The following TSPEAR variants were observed in gnomAD, a reference collection of about 807,000 sequenced individuals.
TSPEAR encodes thrombospondin type laminin G domain and EAR repeats.
TSPEAR carries 69 observed loss-of-function variants against 71.6 expected under a neutral mutation model. The ratio of observed to expected loss-of-function variants is 0.96; its 90% CI spans 0.79 to 1.18. TSPEAR has a LOEUF of 1.18. Ranked by LOEUF, TSPEAR falls within the 50% of genes most tolerant of loss-of-function variation. The probability of loss-of-function intolerance (pLI) is 0.00; values close to 1 mark genes in which losing one functional copy is unlikely to be tolerated. For synonymous variants in TSPEAR, 402 were observed against 387.2 expected, an observed-to-expected ratio of 1.04 and a Z score of -0.45; for missense variants, 971 against 894.9, an observed-to-expected ratio of 1.09 and a Z score of -1.09.
chr21:44,518,211 A>G lies in TSPEAR; in HGVS notation c.1566+3672T>C, dbSNP rs587753150. On this transcript the variant is annotated intron_variant, in intron 9 of 11. Coordinates refer to ENST00000323084, the MANE Select transcript of TSPEAR (RefSeq NM_144991.3). The stretch of plus-strand genomic sequence containing the variant: ...TAAAAAAATTCCTTTCTGTTTCTAG[A>G]GCTAGCTCAGTTTCTTTCAGCCTTT... The G allele has an allele frequency of 3.1e-4, 131 of 424,780 alleles. No individual in the cohort carries two copies. The East Asian group carries it at 7.2e-3, about 23-fold the overall frequency. 26.3% of individuals were successfully genotyped at this position (424,780 alleles called of 1,614,324 possible).
chr21:44,565,552 T>G (rs1248108820), intron 2 of TSPEAR, among the ~76,000 whole-genome samples: 1 of 152,206 alleles, frequency 6.6e-6, no homozygotes, highest in African/African-American at 2.4e-5. Flanking sequence ...GGATACAAGA[T>G]TGGTTTAATA....
At chr21:44,569,950 C>T (rs1001027721) in intron 1 of TSPEAR, among the ~76,000 whole-genome samples, 13 of 152,072 alleles carry the variant, frequency 8.5e-5, no homozygotes, top group African/African-American at 1.4e-4. Context: ...TGTGGCGTTG[C>T]GTCCTGGGTC....
At chr21:44,696,844 C>T (rs145752453) in intron 1 of TSPEAR, among the ~76,000 whole-genome samples, 13 of 152,234 alleles carry the variant, frequency 8.5e-5, no homozygotes, top group African/African-American at 3.1e-4. Flanking sequence ...ACCTGGGGAG[C>T]TTCAGGAGCT....
intron 1 of TSPEAR, among the ~76,000 whole-genome samples, chr21:44,703,440 C>G (rs998421): frequency 6.6e-6 from 1 of 152,108 alleles, no homozygotes; most frequent in African/African-American, 2.4e-5. Flanking sequence ...CCATGCCTCC[C>G]TGTCCCTGGT....
At chr21:44,681,558 G>T in intron 1 of TSPEAR, 1 of 458,096 alleles carries the variant, frequency 2.2e-6, no homozygotes, top group Non-Finnish European at 3.8e-6. Flanking sequence ...ATAAAAAAGA[G>T]AGACAAGAAA....
rs1555910898 is a variant in TSPEAR at position 44,499,806 on chromosome 21, C to A, written c.1987G>T (p.Val663Phe). 1 of 1,576,120 alleles carries A rather than the reference C, an allele frequency of 6.3e-7. No homozygotes were observed. Among genetic ancestry groups the A allele is most frequent in the Admixed American group, 1.8e-5 (1 of 55,126 alleles). ...YSSAKEPLSRVLRLRTR is the reference protein window; with the variant it reads ...YSSAKEPLSRFLRLRTR ...CCTCAGCGTGTCCTCAGCCGCAGGA[C>A]CCTGGAGAGGGGCTCCTTGGCGCTG... The change falls in exon 12 of 12, where the codon GTC becomes TTC. Residue 663 changes from valine to phenylalanine, a missense_variant. By Grantham distance (50) the Val-to-Phe change is conservative. Coordinates refer to ENST00000323084, the MANE Select transcript of TSPEAR (RefSeq NM_144991.3).
At position 44,707,311 on chromosome 21, in the gene TSPEAR, G is replaced by T. The variant is rs935398954; in HGVS notation, c.82+4122C>A. Among the ~76,000 whole-genome samples, 162 of 151,866 alleles carry T rather than the reference G, an allele frequency of 1.1e-3. 3 individuals are homozygous for T. The highest frequency in any genetic ancestry group is 1.8e-3 in the Non-Finnish European group (120 of 67,828). ...GGGAAAGGACGCGGGGTGGGGGGGG[G>T]TGCGGGGAGAGAGGACACAGGGTCG... On this transcript the variant is annotated intron_variant, in intron 1 of 11. Transcript: ENST00000323084.
At chr21:44,649,095 C>T (rs938236466) in intron 1 of TSPEAR, among the ~76,000 whole-genome samples, 2 of 152,208 alleles carry the variant, frequency 1.3e-5, no homozygotes, top group Non-Finnish European at 2.9e-5. Context: ...CACAGGAAAC[C>T]GCAAAGCTCC....
chr21:44,616,297 A>G (rs1982090434), intron 1 of TSPEAR, among the ~76,000 whole-genome samples: 1 of 152,164 alleles, frequency 6.6e-6, no homozygotes, highest in African/African-American at 2.4e-5. Flanking sequence ...TTTTGTCTCT[A>G]AAGCGGGGAG....
chr21:44,639,881 G>C (rs887465558), intron 1 of TSPEAR, among the ~76,000 whole-genome samples: 3 of 152,228 alleles, frequency 2.0e-5, no homozygotes, highest in African/African-American at 7.2e-5. Context: ...ATACCTCCTG[G>C]TGGGGGGTCT....
intron 1 of TSPEAR, among the ~76,000 whole-genome samples, chr21:44,594,769 C>T (rs143528867): frequency 4.6e-5 from 7 of 152,110 alleles, no homozygotes; most frequent in African/African-American, 1.4e-4. Flanking sequence ...GCAGGCTGTG[C>T]CCCTTTAGAA....
At chr21:44,661,678 A>G (rs1377504066) in intron 1 of TSPEAR, among the ~76,000 whole-genome samples, 3 of 152,164 alleles carry the variant, frequency 2.0e-5, no homozygotes, top group Non-Finnish European at 4.4e-5. Flanking sequence ...GCTTCTGGGG[A>G]GGCAGAATTG....
rs2052000393 is a variant in TSPEAR at position 44,500,065 on chromosome 21, A to G, written c.1857-129T>C. ...CATCTGAGCCTCTTCCATCCCCCCG[A>G]CTGGCACAGCGTGGGGAGATCGATT... On this transcript the variant is annotated intron_variant, in intron 11 of 11. Transcript: ENST00000323084. The G allele has an allele frequency of 3.2e-6, 3 of 947,966 alleles. No individual in the cohort carries two copies. In the South Asian group the frequency reaches 5.1e-5, roughly 16 times the overall value. The allele number at this position is 947,966 out of a possible 1,614,324, so 58.7% of individuals were successfully genotyped here. A position where few individuals can be genotyped will look rare whatever the true frequency, so the allele number is the denominator to read the frequency against.
At chr21:44,563,876 C>T (rs1198924152) in intron 2 of TSPEAR, among the ~76,000 whole-genome samples, 1 of 152,180 alleles carries the variant, frequency 6.6e-6, no homozygotes, top group Non-Finnish European at 1.5e-5. Context: ...AACAGTACTA[C>T]AACTTATGCC....
At chr21:44,698,587 CCCG>C (rs1210975808) in intron 1 of TSPEAR, among the ~76,000 whole-genome samples, 2 of 152,232 alleles carry the variant, frequency 1.3e-5, no homozygotes, top group Non-Finnish European at 2.9e-5. Context: ...CCCACATTTC[CCCG>C]CCAAGTTGCC....
intron 1 of TSPEAR, chr21:44,627,495 GTGCTGCGTGCCCGTC>G: frequency 6.5e-7 from 1 of 1,531,832 alleles, no homozygotes; most frequent in South Asian, 1.2e-5. Flanking sequence ...GCAAGCCTGT[GTGCTGCGTGCCCGTC>G]TGCTGTGGGG....
intron 1 of TSPEAR, among the ~76,000 whole-genome samples, chr21:44,696,280 A>C (rs1179369275): frequency 1.3e-5 from 2 of 152,184 alleles, no homozygotes; most frequent in African/African-American, 4.8e-5. Context: ...CTTCTCACAC[A>C]ATCTGGGTTT....
intron 1 of TSPEAR, among the ~76,000 whole-genome samples, chr21:44,703,818 C>T (rs1987774711): frequency 6.6e-6 from 1 of 152,088 alleles, no homozygotes; most frequent in Non-Finnish European, 1.5e-5. Context: ...GGGTCCCACA[C>T]CCAGCCTCAC....
At chr21:44,578,787 C>G (rs112167580) in intron 1 of TSPEAR, among the ~76,000 whole-genome samples, 2,571 of 152,292 alleles carry the variant, frequency 0.017, 70 homozygotes, top group African/African-American at 0.057. Flanking sequence ...TCCCCCAGGT[C>G]TCAGCAGGGC....
Sources: allele counts gnomAD v4.1 joint callset (sites outside exome capture counted in the v4.1 genomes callset), GRCh38; gene constraint gnomAD v4.1.1; transcripts MANE v1.5; gene names NCBI Gene and HGNC (gene_info 2026-07-23, HGNC 2026-07-21).